Variants in CEP128 observed in about 807,000 individuals in gnomAD.
CEP128 encodes the protein centrosomal protein 128kDa.
Under a neutral mutation model 156.7 loss-of-function variants are expected in CEP128, and 132 were observed. The ratio of observed to expected loss-of-function variants is 0.84; its 90% CI spans 0.73 to 0.97. The LOEUF is 0.97. CEP128 is among the 50% of genes least tolerant of loss of function. The pLI is 0.00. For missense variants in CEP128, 1,252 were observed against 1,281.9 expected, an observed-to-expected ratio of 0.98 and a Z score of 0.36; for synonymous variants, 469 against 448.9, an observed-to-expected ratio of 1.04 and a Z score of -0.57.
At chr14:80,649,849 T>C (rs1374870914) in intron 19 of CEP128, among the ~76,000 whole-genome samples, 1 of 152,166 alleles carries the variant, frequency 6.6e-6, no homozygotes, top group Non-Finnish European at 1.5e-5. Context: ...TCAGGTAGCG[T>C]GGTGCCTCCA....
At chr14:80,497,657 A>G (rs1751638817) in intron 24 of CEP128, 75 bp from the exon 25 acceptor site, 1 of 908,408 alleles carries the variant, frequency 1.1e-6, no homozygotes, top group Non-Finnish European at 1.7e-6. Flanking sequence ...ATTTTGCAGA[A>G]GGTAGTTAAT....
At chr14:80,791,993 A>G (rs562772594) in intron 14 of CEP128, among the ~76,000 whole-genome samples, 1 of 152,342 alleles carries the variant, frequency 6.6e-6, no homozygotes, top group East Asian at 1.9e-4. Flanking sequence ...CAAATGATAA[A>G]CCAAGAATAA....
chr14:80,911,017 C>T (rs1158660735), intron 4 of CEP128, among the ~76,000 whole-genome samples: 1 of 152,318 alleles, frequency 6.6e-6, no homozygotes, highest in African/African-American at 2.4e-5. Context: ...ACAGAGATCT[C>T]TGAAAGCCTT....
At chr14:80,622,775 GT>G (rs1246829691) in intron 19 of CEP128, among the ~76,000 whole-genome samples, 3 of 150,760 alleles carry the variant, frequency 2.0e-5, no homozygotes, top group African/African-American at 7.3e-5. Context: ...TCTCATACCA[GT>G]TAGAATGGCA....
chr14:80,485,925 A>G (rs1317550612), downstream of CEP128, among the ~76,000 whole-genome samples: 1 of 152,232 alleles, frequency 6.6e-6, no homozygotes, highest in Non-Finnish European at 1.5e-5. Context: ...CTACATTACC[A>G]CTTGGTACAA....
intron 24 of CEP128, among the ~76,000 whole-genome samples, chr14:80,503,795 C>A (rs1164007148): frequency 6.6e-6 from 1 of 152,066 alleles, no homozygotes; most frequent in Admixed American, 6.5e-5. Flanking sequence ...TATGTAGATA[C>A]AAAATCACTT....
downstream of CEP128, among the ~76,000 whole-genome samples, chr14:80,486,338 A>G (rs1261637852): frequency 1.3e-5 from 2 of 152,066 alleles, no homozygotes; most frequent in Non-Finnish European, 2.9e-5. Context: ...AAAAAGAAAC[A>G]AACAAAGCCT....
intron 19 of CEP128, among the ~76,000 whole-genome samples, chr14:80,655,495 C>T (rs563283094): frequency 6.6e-6 from 1 of 152,194 alleles, no homozygotes; most frequent in African/African-American, 2.4e-5. Flanking sequence ...CTCCTACTCT[C>T]TTCCTCTCTG....
intron 21 of CEP128, among the ~76,000 whole-genome samples, chr14:80,541,107 T>C (rs550214968): frequency 1.3e-5 from 2 of 152,302 alleles, no homozygotes; most frequent in African/African-American, 4.8e-5. Context: ...AGCTTTGACA[T>C]TACCAGTTGT....
chr14:80,870,366 T>C (rs764251529), intron 8 of CEP128, among the ~76,000 whole-genome samples: 5 of 151,952 alleles, frequency 3.3e-5, no homozygotes, highest in Non-Finnish European at 5.9e-5. Context: ...CCAAATTCAG[T>C]AGCACATTAA....
At chr14:80,945,136 C>T (rs901765146), upstream of CEP128, among the ~76,000 whole-genome samples, 1 of 152,168 alleles carries the variant, frequency 6.6e-6, no homozygotes, top group African/African-American at 2.4e-5. Flanking sequence ...ATCAATGTGT[C>T]AGCAAGTTTA....
intron 2 of CEP128, among the ~76,000 whole-genome samples, chr14:80,920,345 C>G (rs1455377647): frequency 6.6e-6 from 1 of 152,154 alleles, no homozygotes; most frequent in Admixed American, 6.5e-5. Context: ...CTGAAGTTGG[C>G]AAGAGGCTCA....
intron 19 of CEP128, among the ~76,000 whole-genome samples, chr14:80,661,872 G>A (rs1895416697): frequency 6.6e-6 from 1 of 152,164 alleles, no homozygotes; most frequent in Admixed American, 6.6e-5. Context: ...AATGCAAAGT[G>A]TCTTGTGGAG....
chr14:80,782,847 G>A (rs185846593), intron 15 of CEP128, among the ~76,000 whole-genome samples: 2 of 152,102 alleles, frequency 1.3e-5, no homozygotes, highest in African/African-American at 4.8e-5. Context: ...GTCTTACCTG[G>A]GTTTCCAAGA....
intron 19 of CEP128, among the ~76,000 whole-genome samples, chr14:80,721,716 G>C (rs1204334103): frequency 6.6e-6 from 1 of 152,048 alleles, no homozygotes; most frequent in Non-Finnish European, 1.5e-5. Context: ...AATCAACTCT[G>C]CATAAATCTG....
intron 19 of CEP128, among the ~76,000 whole-genome samples, chr14:80,603,381 G>A (rs183188231): frequency 9.2e-5 from 14 of 152,194 alleles, no homozygotes; most frequent in Admixed American, 8.5e-4. Flanking sequence ...TAATTATGAG[G>A]TTTCTTTCAG....
intron 14 of CEP128, among the ~76,000 whole-genome samples, chr14:80,480,483 A>G (rs1385503878): frequency 6.6e-6 from 1 of 152,068 alleles, no homozygotes; most frequent in Non-Finnish European, 1.5e-5. Context: ...GACCCAGGGC[A>G]TCAAGTCCCT....
rs1179893837 is a variant in CEP128, at chr14:80,785,209, T to A, written c.1897A>T (p.Met633Leu). Residue 633 changes from methionine to leucine, a missense_variant, in exon 15 of 25, where the codon ATG becomes TTG. Coordinates refer to ENST00000555265, the MANE Select transcript of CEP128 (RefSeq NM_152446.5). Reference sequence around the variant, plus strand: ...CTCAGGTCCTTGATGGACTCTTGCATCTCAAGAAGTTTAGCTTTGTCCTGG... The same window carrying A: ...CTCAGGTCCTTGATGGACTCTTGCAACTCAAGAAGTTTAGCTTTGTCCTGG... ...QAQDKAKLLE[M>L]QESIKDLSAI... 1.2e-6 allele frequency: 2 copies of A among 1,614,194 alleles called. No homozygotes were observed. The highest frequency in any genetic ancestry group is 3.3e-5 in the Admixed American group (2 of 60,026).
At chr14:80,534,347 A>C (rs1392129551) in intron 21 of CEP128, among the ~76,000 whole-genome samples, 1 of 152,240 alleles carries the variant, frequency 6.6e-6, no homozygotes, top group Non-Finnish European at 1.5e-5. Context: ...ATCCATTAGC[A>C]GATGAATAGT....
Sources: gnomAD v4.1 joint callset for allele counts (sites outside exome capture counted in the v4.1 genomes callset) on GRCh38, gnomAD v4.1.1 for gene constraint, MANE v1.5 for transcripts, NCBI Gene and HGNC (gene_info 2026-07-23, HGNC 2026-07-21) for gene names.